The following CCND3 variants were observed in gnomAD, a reference collection of about 807,000 sequenced individuals.
The protein encoded by CCND3 is cyclin D3.
In CCND3, 9 loss-of-function variants were observed where a neutral mutation model predicts 28.7. That is an observed-to-expected ratio of 0.31 (90% CI 0.19 to 0.55). The LOEUF (loss-of-function observed/expected upper bound fraction) is 0.55, where lower values mean the gene tolerates loss of function less well. CCND3 is among the 20% of genes least tolerant of loss of function. The pLI is 0.93. For missense variants in CCND3, 315 were observed against 385.8 expected (o/e 0.82, Z 1.54); for synonymous variants, 164 against 163.9 (o/e 1.00, Z 0.00).
intron 1 of CCND3, among the ~76,000 whole-genome samples, chr6:41,992,343 AG>A (rs1313997364): frequency 6.6e-6 from 1 of 151,460 alleles, no homozygotes; most frequent in Non-Finnish European, 1.5e-5. Context: ...TTGCATTTTT[AG>A]TAAAGACGTG....
upstream of CCND3, among the ~76,000 whole-genome samples, chr6:41,944,784 A>C (rs982127359): frequency 1.4e-4 from 22 of 152,158 alleles, no homozygotes; most frequent in Non-Finnish European, 1.5e-5. Flanking sequence ...TGAAAGCTGG[A>C]TGTGAACCTG....
At chr6:41,981,579 A>C (rs1461008684) in intron 1 of CCND3, among the ~76,000 whole-genome samples, 1 of 151,730 alleles carries the variant, frequency 6.6e-6, no homozygotes, top group Non-Finnish European at 1.5e-5. Flanking sequence ...GCTGGAGTGC[A>C]GTGGCGTGTT....
intron 1 of CCND3, among the ~76,000 whole-genome samples, chr6:41,988,213 G>A (rs1391172694): frequency 6.6e-6 from 1 of 152,028 alleles, no homozygotes; most frequent in East Asian, 1.9e-4. Flanking sequence ...GGCTGAGGCA[G>A]GATAATTGCT....
At chr6:41,997,465 T>C (rs1219638966) in intron 1 of CCND3, among the ~76,000 whole-genome samples, 2 of 152,024 alleles carry the variant, frequency 1.3e-5, no homozygotes, top group Non-Finnish European at 2.9e-5. Flanking sequence ...AAAAGGTAGA[T>C]TGGGAGCAAA....
At chr6:42,005,050 C>A (rs189182191) in intron 1 of CCND3, among the ~76,000 whole-genome samples, 2 of 152,018 alleles carry the variant, frequency 1.3e-5, no homozygotes, top group Admixed American at 6.6e-5. Context: ...ACTCAGTCAG[C>A]GAGGTTAGTA....
At chr6:41,973,198 C>T (rs987068832) in intron 1 of CCND3, among the ~76,000 whole-genome samples, 1 of 152,186 alleles carries the variant, frequency 6.6e-6, no homozygotes, top group African/African-American at 2.4e-5. Flanking sequence ...CTTCCCTTCT[C>T]TCTAACACCC....
chr6:41,948,899 G>A (rs1776237121), intron 1 of CCND3, among the ~76,000 whole-genome samples: 1 of 151,826 alleles, frequency 6.6e-6, no homozygotes, highest in Non-Finnish European at 1.5e-5. Context: ...TACACCACAT[G>A]ATAAATGGCA....
At chr6:41,987,809 T>C (rs1762533101) in intron 1 of CCND3, among the ~76,000 whole-genome samples, 1 of 151,784 alleles carries the variant, frequency 6.6e-6, no homozygotes, top group Non-Finnish European at 1.5e-5. Flanking sequence ...GCCACGGAAT[T>C]TTTTTCTGAA....
chr6:41,965,294 T>C (rs372882095), intron 1 of CCND3, among the ~76,000 whole-genome samples: 204 of 152,190 alleles, frequency 1.3e-3, no homozygotes, highest in African/African-American at 4.6e-3. Flanking sequence ...GGTCTCGAAC[T>C]CCTGACCTCG....
chr6:42,000,234 C>CGTTTTTTTTTTTTTTTTTTTTTTT (rs1762951898), intron 1 of CCND3, among the ~76,000 whole-genome samples: 1 of 51,018 alleles, frequency 2.0e-5, no homozygotes, highest in Non-Finnish European at 3.2e-5. Context: ...TGAAAACATA[C>CGTTTTTTTTTTTTTTTTTTTTTTT]TTTTTTTTTT....
At chr6:42,033,468 A>G (rs1030946612) in intron 1 of CCND3, among the ~76,000 whole-genome samples, 17 of 116,342 alleles carry the variant, frequency 1.5e-4, no homozygotes, top group African/African-American at 2.7e-4. Flanking sequence ...ATATATATAT[A>G]TGTGTATATA....
chr6:41,937,404 C>T lies in CCND3; in HGVS notation c.415-10G>A, dbSNP rs976973321. On this transcript the variant is annotated splice_polypyrimidine_tract_variant and intron_variant, in intron 2 of 4. Transcript: ENST00000372991. ...CCAGCACCTCCCAGTCCTGAAAAAG[C>T]GGGGAAAGGGTGGGGTCAGTGGCTG... is the stretch of plus-strand genomic sequence containing the variant. 8 of 1,613,724 alleles carry T rather than the reference C, an allele frequency of 5.0e-6. No individual in the cohort carries two copies. Among genetic ancestry groups the T allele is most frequent in the Admixed American group, 3.3e-5 (2 of 60,012 alleles).
rs752381081 is a variant in CCND3, at chr6:41,940,424, G to A, written c.360C>T (p.Thr120=). 4 of 1,613,946 alleles carry A rather than the reference G, an allele frequency of 2.5e-6. No individual in the cohort carries two copies. The highest frequency in any genetic ancestry group is 3.4e-6 in the Non-Finnish European group (4 of 1,179,980). Residue 120 remains threonine (T), a synonymous_variant, in exon 2 of 5, where the codon ACC becomes ACT. Coordinates refer to ENST00000372991, the MANE Select transcript of CCND3 (RefSeq NM_001760.5). ...ASKLRETTPL[T]IEKLCIYTDH... is the part of the protein sequence containing the mutation. ...CGGTGTAGATGCACAGTTTTTCGAT[G>A]GTCAGGGGCGTGGTCTCGCGCAGCT...
intron 1 of CCND3, among the ~76,000 whole-genome samples, chr6:41,998,219 C>A (rs1284561963): frequency 6.8e-6 from 1 of 146,168 alleles, no homozygotes; most frequent in African/African-American, 2.5e-5. Flanking sequence ...ACCTGGGAGG[C>A]GGAGGTTGCA....
chr6:41,986,810 T>G (rs1438849237), intron 1 of CCND3, among the ~76,000 whole-genome samples: 2 of 152,004 alleles, frequency 1.3e-5, no homozygotes, highest in Non-Finnish European at 2.9e-5. Flanking sequence ...TGAATAGAAG[T>G]GGTGAGAATG....
intron 1 of CCND3, among the ~76,000 whole-genome samples, chr6:42,006,424 T>A (rs1003902104): frequency 2.0e-5 from 3 of 152,092 alleles, no homozygotes; most frequent in African/African-American, 7.2e-5. Context: ...AGAAGCATTA[T>A]CCTTTAAGTT....
chr6:41,949,904 C>G (rs560436383), intron 1 of CCND3, among the ~76,000 whole-genome samples: 20 of 150,714 alleles, frequency 1.3e-4, no homozygotes, highest in African/African-American at 4.6e-4. Context: ...ACCATCCTGG[C>G]TAACACGATG....
At position 41,939,687 on chromosome 6, in the gene CCND3, T is replaced by G. The variant is rs1163972302; in HGVS notation, c.414+683A>C. On this transcript the variant is annotated intron_variant, in intron 2 of 4. Transcript: ENST00000372991. This position sits in a 1 kb window ranked among gnomAD's most constrained non-coding sequence, Gnocchi z 4.2. ...CAGATGCAGCTCACCTCCCTGTCTG[T>G]CCCTCAGCTTGGGCCTTGGGCTAAG... Among the ~76,000 whole-genome samples, 2 of 152,106 alleles carry G rather than the reference T, an allele frequency of 1.3e-5. No individual in the cohort carries two copies. Among genetic ancestry groups the G allele is most frequent in the Non-Finnish European group, 2.9e-5 (2 of 68,016 alleles).
chr6:41,980,740 T>C (rs1762322675), intron 1 of CCND3, among the ~76,000 whole-genome samples: 1 of 152,272 alleles, frequency 6.6e-6, no homozygotes, highest in Non-Finnish European at 1.5e-5. Context: ...TGAAAATCAA[T>C]TAATGTAATC....
Sources: allele counts gnomAD v4.1 joint callset (sites outside exome capture counted in the v4.1 genomes callset), GRCh38; gene constraint gnomAD v4.1.1; non-coding constraint Gnocchi (gnomAD v3.1); transcripts MANE v1.5; gene names NCBI Gene and HGNC (gene_info 2026-07-23, HGNC 2026-07-21).